Variants in FRAS1 observed in about 807,000 individuals in gnomAD.
The protein encoded by FRAS1 is Fraser extracellular matrix complex subunit 1.
FRAS1 carries 290 observed loss-of-function variants against 435.2 expected under a neutral mutation model. The observed-to-expected ratio is 0.67, with a 90% CI of 0.61 to 0.73. FRAS1 has a LOEUF of 0.73. FRAS1 is among the 30% of genes least tolerant of loss of function. The pLI, the probability that FRAS1 is intolerant of heterozygous loss-of-function variation, is 0.00. For synonymous variants in FRAS1, 1,800 were observed against 1,851.0 expected (o/e 0.97, Z 0.71); for missense variants, 4,860 against 5,001.5 (o/e 0.97, Z 0.85).
intron 59 of FRAS1, among the ~76,000 whole-genome samples, chr4:78,490,363 G>A (rs1442338594): frequency 2.0e-5 from 3 of 152,170 alleles, no homozygotes; most frequent in Non-Finnish European, 2.9e-5. Flanking sequence ...ATTCTTCTCA[G>A]CACCATATGG....
Position 78,515,889 on chromosome 4 carries a change from A to G in FRAS1, c.10265A>G (p.Glu3422Gly), listed in dbSNP as rs766938507. The change falls in exon 66 of 74, where the codon GAG (glutamate) becomes GGG (glycine). Residue 3422 changes from glutamate (E) to glycine (G), a missense_variant. Physicochemically the swap from Glu to Gly is moderately conservative, Grantham distance 98. Coordinates refer to ENST00000512123, the MANE Select transcript of FRAS1 (RefSeq NM_025074.7). The part of the protein sequence containing the change: ...RPFQFDPSVR[E>G]PKTIQLYKHL... ...TTCCAGTTTGACCCCAGCGTGCGAG[A>G]GCCGAAGACCATCCAGCTCTACAAA... The G allele has an allele frequency of 6.2e-7, 1 of 1,613,826 alleles. No individual in the cohort carries two copies. The highest frequency in any genetic ancestry group is 1.3e-5 in the African/African-American group (1 of 74,894).
Position 78,419,011 on chromosome 4 carries a change from GCCAAGTGGAAAGAT to G in FRAS1, c.4489_4502del (p.Pro1497CysfsTer34), listed in dbSNP as rs763116543. 1.2e-6 allele frequency: 2 copies of G among 1,603,376 alleles called. No individual in the cohort carries two copies. Among genetic ancestry groups the G allele is most frequent in the Non-Finnish European group, 1.7e-6 (2 of 1,176,390 alleles). On this transcript the variant is annotated frameshift_variant, in exon 33 of 74. Transcript: ENST00000512123. LOFTEE classifies it high-confidence loss of function. ...CCCTCTCCTTCATAAACTCTGAGAA[GCCAAGTGGAAAGAT>G]TGTCTACAACATCACTCTACCTCTG...
At chr4:78,275,740 C>T (rs966037217) in intron 9 of FRAS1, among the ~76,000 whole-genome samples, 1 of 152,132 alleles carries the variant, frequency 6.6e-6, no homozygotes, top group Non-Finnish European at 1.5e-5. Flanking sequence ...CTCTGACCGC[C>T]CTTAACATTT....
chr4:78,304,921 A>T (rs952892119), intron 14 of FRAS1, among the ~76,000 whole-genome samples: 9 of 151,900 alleles, frequency 5.9e-5, no homozygotes, highest in Non-Finnish European at 1.0e-4. Flanking sequence ...ATGTGTTTGC[A>T]CTTGCTTTTC....
chr4:78,205,697 A>G (rs1578184731), intron 2 of FRAS1, among the ~76,000 whole-genome samples: 1 of 152,148 alleles, frequency 6.6e-6, no homozygotes, highest in East Asian at 1.9e-4. Context: ...ATTAAAACCT[A>G]AGCTTCCTTT....
In FRAS1 at chr4:78,208,034, A is replaced by G. The variant is rs1723336192; in HGVS notation, c.109-29476A>G. Reference sequence around the variant, plus strand: ...CCCACATACCCTCTGAAGGAAGTGGATAGCTCCTGCAGGACCCAGGAGACA... The same window carrying G: ...CCCACATACCCTCTGAAGGAAGTGGGTAGCTCCTGCAGGACCCAGGAGACA... On this transcript the variant is annotated intron_variant, in intron 2 of 73. Transcript: ENST00000512123. Among the ~76,000 whole-genome samples, 4 of 152,290 alleles carry G rather than the reference A, an allele frequency of 2.6e-5. 1 individual carries two copies. In the South Asian group the frequency reaches 8.3e-4, roughly 32 times the overall value.
intron 23 of FRAS1, among the ~76,000 whole-genome samples, chr4:78,370,693 A>G (rs1731467607): frequency 6.6e-6 from 1 of 152,220 alleles, no homozygotes; most frequent in Admixed American, 6.5e-5. Flanking sequence ...TAACATACTT[A>G]AATGAGTGAA....
Position 78,466,263 on chromosome 4 carries a change from G to T in FRAS1, c.7085G>T (p.Arg2362Leu). Reference protein sequence around the residue: ...VQPPRHGTIERTSNGQHFHLT... With the variant: ...VQPPRHGTIELTSNGQHFHLT... Reference sequence around the variant, plus strand: ...CCTCCACGCCATGGCACCATCGAGCGAACCAGCAATGGGCAGCATTTCCAC... The same window carrying T: ...CCTCCACGCCATGGCACCATCGAGCTAACCAGCAATGGGCAGCATTTCCAC... The change falls in exon 50 of 74, where the codon CGA becomes CTA. Residue 2362 changes from arginine (R) to leucine (L), a missense_variant. Coordinates refer to ENST00000512123, the MANE Select transcript of FRAS1 (RefSeq NM_025074.7). The T allele has an allele frequency of 6.2e-7, 1 of 1,613,878 alleles. No homozygotes were observed. The highest frequency in any genetic ancestry group is 8.5e-7 in the Non-Finnish European group (1 of 1,179,838).
chr4:78,534,041 AAAGT>A (rs1721804021), intron 70 of FRAS1, among the ~76,000 whole-genome samples: 1 of 152,166 alleles, frequency 6.6e-6, no homozygotes, highest in Admixed American at 6.5e-5. Context: ...GCAAGTCCTG[AAAGT>A]GGGACATGCG....
intron 14 of FRAS1, among the ~76,000 whole-genome samples, chr4:78,307,285 A>AT (rs921041960): frequency 2.6e-4 from 40 of 152,364 alleles, no homozygotes; most frequent in Middle Eastern, 3.4e-3. Context: ...AGACAGGGAC[A>AT]TTTAAGTCTG....
intron 2 of FRAS1, among the ~76,000 whole-genome samples, chr4:78,194,671 A>T (rs994535833): frequency 1.3e-5 from 2 of 151,454 alleles, no homozygotes; most frequent in Non-Finnish European, 2.9e-5. Flanking sequence ...TTAGCCATTC[A>T]TCTAGTTTTT....
chr4:78,515,714 T>A lies in FRAS1; in HGVS notation c.10175-85T>A, dbSNP rs1378309738. The A allele has an allele frequency of 3.2e-6, 4 of 1,249,268 alleles. No homozygotes were observed. The African/African-American group carries it at 6.0e-5, about 19-fold the overall frequency. The allele number at this position is 1,249,268 out of a possible 1,614,324, so 77.4% of individuals were successfully genotyped here. On this transcript the variant is annotated intron_variant, in intron 65 of 73. Transcript: ENST00000512123. ...CTCAGGTGATTGAAAGTGCTTTTAG[T>A]GCAAAAGGGTGAGCTCTTCACCCCA...
intron 30 of FRAS1, among the ~76,000 whole-genome samples, chr4:78,403,879 G>A (rs2110348800): frequency 6.6e-6 from 1 of 152,244 alleles, no homozygotes; most frequent in East Asian, 1.9e-4. Context: ...CATAAAGCAT[G>A]TTTTATAATT....
intron 3 of FRAS1, among the ~76,000 whole-genome samples, chr4:78,238,981 T>C (rs930343541): frequency 1.9e-4 from 29 of 152,250 alleles, no homozygotes; most frequent in African/African-American, 5.8e-4. Context: ...GTGAAAATTA[T>C]GTGAAATCAA....
At chr4:78,457,820 C>A (rs1719253175) in intron 47 of FRAS1, among the ~76,000 whole-genome samples, 1 of 152,166 alleles carries the variant, frequency 6.6e-6, no homozygotes, top group Admixed American at 6.5e-5. Flanking sequence ...CTTGAAGGAG[C>A]TAAATTAAAG....
chr4:78,398,900 T>C (rs180761272), intron 29 of FRAS1, among the ~76,000 whole-genome samples: 4 of 152,238 alleles, frequency 2.6e-5, no homozygotes, highest in Admixed American at 2.0e-4. Context: ...GGGGAATTGT[T>C]TGAACCTGAG....
chr4:78,116,291 A>T (rs1220868095), intron 2 of FRAS1, among the ~76,000 whole-genome samples: 2 of 152,196 alleles, frequency 1.3e-5, no homozygotes, highest in African/African-American at 2.4e-5. Context: ...TGGTGCTGAA[A>T]AGAATGTGTA....
chr4:78,372,249 A>G (rs1260286376), intron 23 of FRAS1, among the ~76,000 whole-genome samples: 1 of 152,170 alleles, frequency 6.6e-6, no homozygotes, highest in Non-Finnish European at 1.5e-5. Context: ...AGAGATAGAA[A>G]CCCATGCAGC....
chr4:78,448,726 A>G (rs535773437), intron 44 of FRAS1, among the ~76,000 whole-genome samples: 1 of 152,326 alleles, frequency 6.6e-6, no homozygotes, highest in Non-Finnish European at 1.5e-5. Context: ...AAATGCATGG[A>G]GGGTAAGCTG....
Sources: allele counts gnomAD v4.1 joint callset (sites outside exome capture counted in the v4.1 genomes callset), GRCh38; gene constraint gnomAD v4.1.1; transcripts MANE v1.5; gene names NCBI Gene and HGNC (gene_info 2026-07-23, HGNC 2026-07-21).